The following KIRREL3 variants were observed in gnomAD, a reference collection of about 807,000 sequenced individuals.
KIRREL3 encodes kin of IRRE-like protein 3.
In KIRREL3, 36 loss-of-function variants were observed where a neutral mutation model predicts 89.7. The ratio of observed to expected loss-of-function variants is 0.40; its 90% CI spans 0.31 to 0.53. The LOEUF (loss-of-function observed/expected upper bound fraction) is 0.53. Ranked by LOEUF, KIRREL3 falls within the 20% of genes least tolerant of loss-of-function variation. The pLI, the probability that KIRREL3 is intolerant of heterozygous loss-of-function variation, is 0.49. For missense variants in KIRREL3, 864 were observed against 1,056.6 expected, an observed-to-expected ratio of 0.82 and a Z score of 2.53; for synonymous variants, 445 against 441.4, an observed-to-expected ratio of 1.01 and a Z score of -0.10.
intron 2 of KIRREL3, among the ~76,000 whole-genome samples, chr11:126,560,502 A>G (rs116144989): frequency 0.013 from 1,935 of 152,318 alleles, 38 homozygotes; most frequent in African/African-American, 0.044. Context: ...TAAACCCCAG[A>G]TCTATAAAGC....
intron 1 of KIRREL3, among the ~76,000 whole-genome samples, chr11:126,646,789 T>A (rs905523886): frequency 6.6e-6 from 1 of 152,172 alleles, no homozygotes; most frequent in Non-Finnish European, 1.5e-5. Context: ...CAAGTATTTT[T>A]AATCATGATC....
rs992522414 is a variant in KIRREL3 at position 126,563,318 on chromosome 11, T to C, written c.56-406A>G. On this transcript the variant is annotated intron_variant, in intron 1 of 16. Transcript: ENST00000525144. This position sits in a 1 kb window ranked among gnomAD's most constrained non-coding sequence, Gnocchi z 6.8. ...GACTATGCTCAGATCAACTTGGGAC[T>C]GTGGCCAGACCTGCCAGGGATGATG... is the stretch of plus-strand genomic sequence containing the variant. 1.1e-4 allele frequency among the ~76,000 whole-genome samples: 16 copies of C among 152,332 alleles called. No homozygotes were observed. Among genetic ancestry groups the C allele is most frequent in the African/African-American group, 3.6e-4 (15 of 41,578 alleles).
intron 1 of KIRREL3, among the ~76,000 whole-genome samples, chr11:126,586,236 A>T (rs540798946): frequency 2.0e-5 from 3 of 152,204 alleles, no homozygotes; most frequent in Non-Finnish European, 4.4e-5. Context: ...GCCACTCCTC[A>T]TGTGTCCTTG....
At chr11:126,532,543 T>G (rs1958975578) in intron 2 of KIRREL3, among the ~76,000 whole-genome samples, 1 of 152,016 alleles carries the variant, frequency 6.6e-6, no homozygotes, top group South Asian at 2.1e-4. Context: ...GCCTGGCTAA[T>G]TTTTGTATTT....
Position 126,763,422 on chromosome 11 carries a change from G to A in KIRREL3, c.56-200510C>T, listed in dbSNP as rs1949724128. ...ACAGTGCTCTGATGCAGGGGGAGAAGAGCAGGGAGAGGGCATGAGGATGCA... is the reference window on the plus strand; with the variant it reads ...ACAGTGCTCTGATGCAGGGGGAGAAAAGCAGGGAGAGGGCATGAGGATGCA... On this transcript the variant is annotated intron_variant, in intron 1 of 16. Transcript: ENST00000525144. This position sits in a 1 kb window ranked among gnomAD's most constrained non-coding sequence, Gnocchi z 4.7. Among the ~76,000 whole-genome samples, 1 of 152,220 alleles carries A rather than the reference G, an allele frequency of 6.6e-6. No homozygotes were observed. Among genetic ancestry groups the A allele is most frequent in the African/African-American group, 2.4e-5 (1 of 41,464 alleles).
chr11:126,526,504 C>G lies in KIRREL3; in HGVS notation c.283+34G>C. On this transcript the variant is annotated intron_variant, in intron 3 of 16. Coordinates refer to ENST00000525144, the MANE Select transcript of KIRREL3 (RefSeq NM_032531.4). The surrounding 1 kb of genome is among the most constrained non-coding windows in gnomAD (Gnocchi z 5.7). ...ATGGGTGAGTAAGGAAGTGATGGCC[C>G]CAGGCCCACCCCAGGAGGTCTGGAG... The G allele has an allele frequency of 7.5e-6, 12 of 1,594,056 alleles. No homozygotes were observed. Among genetic ancestry groups the G allele is most frequent in the Non-Finnish European group, 1.0e-5 (12 of 1,165,694 alleles).
rs766076267 is a variant in KIRREL3 at position 126,744,339 on chromosome 11, G to A, written c.56-181427C>T. On this transcript the variant is annotated intron_variant, in intron 1 of 16. Transcript: ENST00000525144. This position sits in a 1 kb window ranked among gnomAD's most constrained non-coding sequence, Gnocchi z 4.7. Reference sequence around the variant, plus strand: ...GCAGCCTTTTCTGGGAGGTTCACCCGCAGGAGGTGTGCTGACCAGAGAGGA... The same window carrying A: ...GCAGCCTTTTCTGGGAGGTTCACCCACAGGAGGTGTGCTGACCAGAGAGGA... 6.6e-6 allele frequency among the ~76,000 whole-genome samples: 1 copy of A among 151,976 alleles called. No homozygotes were observed. The highest frequency in any genetic ancestry group is 6.5e-5 in the Admixed American group (1 of 15,268).
At chr11:126,962,968 A>G (rs555152970) in intron 1 of KIRREL3, among the ~76,000 whole-genome samples, 120 of 152,350 alleles carry the variant, frequency 7.9e-4, no homozygotes, top group Middle Eastern at 3.4e-3. Context: ...CTTTTTAGAC[A>G]TAATACTATT....
At chr11:126,646,862 A>T (rs1468053195) in intron 1 of KIRREL3, among the ~76,000 whole-genome samples, 1 of 152,024 alleles carries the variant, frequency 6.6e-6, no homozygotes, top group Non-Finnish European at 1.5e-5. Context: ...CTACCTACCC[A>T]AGCTCCTGTT....
In KIRREL3 at chr11:126,748,805, G is replaced by A. The variant is rs192534011; in HGVS notation, c.56-185893C>T. Among the ~76,000 whole-genome samples, 1 of 152,254 alleles carries A rather than the reference G, an allele frequency of 6.6e-6. No homozygotes were observed. The highest frequency in any genetic ancestry group is 6.5e-5 in the Admixed American group (1 of 15,294). On this transcript the variant is annotated intron_variant, in intron 1 of 16. Coordinates refer to ENST00000525144, the MANE Select transcript of KIRREL3 (RefSeq NM_032531.4). The surrounding 1 kb of genome is among the most constrained non-coding windows in gnomAD (Gnocchi z 4.6). Reference sequence around the variant, plus strand: ...CATGGGATCCTTTTGTAATCTGTAGGCTTCAGTCTATCCAGTGCCTAGCTA... The same window carrying A: ...CATGGGATCCTTTTGTAATCTGTAGACTTCAGTCTATCCAGTGCCTAGCTA...
At chr11:126,816,768 A>G (rs1454170971) in intron 1 of KIRREL3, among the ~76,000 whole-genome samples, 3 of 152,086 alleles carry the variant, frequency 2.0e-5, no homozygotes, top group African/African-American at 7.2e-5. Flanking sequence ...CCTGGTCTCC[A>G]TGTTGTTACA....
chr11:126,543,989 C>A, intron 2 of KIRREL3: 1 of 152,810 alleles, frequency 6.5e-6, no homozygotes. Context: ...CTAGGCCCTT[C>A]TGCTGGGGCA....
In KIRREL3 at chr11:126,457,280, T is replaced by A. The variant is rs572763385; in HGVS notation, c.743-826A>T. 1.2e-3 allele frequency among the ~76,000 whole-genome samples: 179 copies of A among 150,856 alleles called. 1 individual carries two copies. Among genetic ancestry groups the A allele is most frequent in the African/African-American group, 4.2e-3 (172 of 41,068 alleles). ...GTGTGTATGCATGTGTGTGTATGCA[T>A]ATGTGTATGTGTGTATGCGTGTGTA... On this transcript the variant is annotated intron_variant, in intron 6 of 16. Coordinates refer to ENST00000525144, the MANE Select transcript of KIRREL3 (RefSeq NM_032531.4).
chr11:126,682,191 A>G lies in KIRREL3; in HGVS notation c.56-119279T>C, dbSNP rs1946488856. 3.8e-6 allele frequency: 1 copy of G among 263,302 alleles called. No individual in the cohort carries two copies. Among genetic ancestry groups the G allele is most frequent in the Non-Finnish European group, 7.6e-6 (1 of 132,230 alleles). 16.3% of individuals were successfully genotyped at this position (263,302 alleles called of 1,614,324 possible). On this transcript the variant is annotated intron_variant, in intron 1 of 16. Coordinates refer to ENST00000525144, the MANE Select transcript of KIRREL3 (RefSeq NM_032531.4). The surrounding 1 kb of genome is among the most constrained non-coding windows in gnomAD (Gnocchi z 4.8). ...TGGAGTGTGTGCACAGATTCTGTGT[A>G]CTAGGTCTGTGGGCTCTGCAAGACT...
chr11:126,447,214 C>G (rs561351869), intron 8 of KIRREL3, among the ~76,000 whole-genome samples: 5 of 152,216 alleles, frequency 3.3e-5, no homozygotes, highest in African/African-American at 1.2e-4. Context: ...TCATCCCCTT[C>G]CCTCTGTCTG....
rs1346126731 is a variant in KIRREL3, at chr11:126,696,222, A to G, written c.56-133310T>C. Among the ~76,000 whole-genome samples, 2 of 145,388 alleles carry G rather than the reference A, an allele frequency of 1.4e-5. No individual in the cohort carries two copies. The highest frequency in any genetic ancestry group is 3.0e-5 in the Non-Finnish European group (2 of 66,706). On this transcript the variant is annotated intron_variant, in intron 1 of 16. Transcript: ENST00000525144. The surrounding 1 kb of genome is among the most constrained non-coding windows in gnomAD (Gnocchi z 4.4). ...CAGTGAGCCAACATCCCGCCACTCC[A>G]CTCCAGCCTGGGCCACTGAGCGAGA...
chr11:126,442,616 A>G (rs980621291), intron 10 of KIRREL3, among the ~76,000 whole-genome samples: 7 of 152,204 alleles, frequency 4.6e-5, no homozygotes, highest in Non-Finnish European at 7.3e-5. Context: ...TTGTCGCGAT[A>G]AAAACCTGAT....
Position 126,435,274 on chromosome 11 carries a change from C to A in KIRREL3, c.1582G>T (p.Glu528Ter). Residue 528 changes from glutamate to a stop codon, truncating the protein, a stop_gained, in exon 13 of 17, where the codon GAA becomes TAA. Transcript: ENST00000525144. LOFTEE classifies it high-confidence loss of function. ...GSEMKSGAGLEAESVPMAVII... is the reference protein window; with the variant it reads ...GSEMKSGAGL Reference sequence around the variant, plus strand: ...TCATCATCTCCTTCCGTACCTGCTTCCAGCCCGGCTCCCGACTTCATTTCC... The same window carrying A: ...TCATCATCTCCTTCCGTACCTGCTTACAGCCCGGCTCCCGACTTCATTTCC... The A allele has an allele frequency of 6.2e-7, 1 of 1,613,896 alleles. No individual in the cohort carries two copies.
chr11:126,852,619 T>C (rs1205549062), intron 1 of KIRREL3, among the ~76,000 whole-genome samples: 1 of 152,170 alleles, frequency 6.6e-6, no homozygotes, highest in Non-Finnish European at 1.5e-5. Flanking sequence ...GCTGGGAGCA[T>C]CATGATGAGG....
Sources: allele counts gnomAD v4.1 joint callset (sites outside exome capture counted in the v4.1 genomes callset), GRCh38; gene constraint gnomAD v4.1.1; non-coding constraint Gnocchi (gnomAD v3.1); transcripts MANE v1.5; gene names NCBI Gene and HGNC (gene_info 2026-07-23, HGNC 2026-07-21).